Variants in CLSTN1 observed in about 807,000 individuals in gnomAD.
CLSTN1 encodes calsyntenin-1.
CLSTN1 carries 28 observed loss-of-function variants against 108.3 expected under a neutral mutation model. The ratio of observed to expected loss-of-function variants is 0.26; its 90% CI spans 0.19 to 0.35. CLSTN1 has a LOEUF of 0.35. Among genes scored for constraint, CLSTN1 ranks in the 10% least tolerant of loss-of-function variants. CLSTN1 has a pLI of 1.00. For synonymous variants in CLSTN1, 524 were observed against 534.9 expected, an observed-to-expected ratio of 0.98 and a Z score of 0.28; for missense variants, 1,157 against 1,302.6, an observed-to-expected ratio of 0.89 and a Z score of 1.72.
chr1:9,744,205 C>T (rs1651133250), intron 8 of CLSTN1, among the ~76,000 whole-genome samples, 190 bp downstream of exon 8: 1 of 152,212 alleles, frequency 6.6e-6, no homozygotes, highest in Non-Finnish European at 1.5e-5. Context: ...CCCCACTGAG[C>T]AACAACAGCT....
At chr1:9,820,591 T>C (rs1655156367) in intron 1 of CLSTN1, among the ~76,000 whole-genome samples, 1 of 152,182 alleles carries the variant, frequency 6.6e-6, no homozygotes. Context: ...ATATAGCATT[T>C]ATCTGTAAAG....
rs367893356 is a variant in CLSTN1 at position 9,744,233 on chromosome 1, G to A, written c.1234+162C>T. ...CAACAGCTAATACCCAAATGCCCAG[G>A]CCGTGGCTCTAGGGAACCAAGTGCC... On this transcript the variant is annotated intron_variant, in intron 8 of 18. Transcript: ENST00000377298. Among the ~76,000 whole-genome samples, 4 of 152,174 alleles carry A rather than the reference G, an allele frequency of 2.6e-5. No homozygotes were observed. In the East Asian group the frequency reaches 7.7e-4, roughly 29 times the overall value.
At position 9,734,839 on chromosome 1, in the gene CLSTN1, GAT is replaced by G. The variant is rs941344375; in HGVS notation, c.2110+107_2110+108del. 10 of 929,168 alleles carry G rather than the reference GAT, an allele frequency of 1.1e-5. No individual in the cohort carries two copies. The highest frequency in any genetic ancestry group is 1.7e-5 in the Non-Finnish European group (10 of 600,186). The allele number at this position is 929,168 out of a possible 1,614,324, so 57.6% of individuals were successfully genotyped here. ...CACACCCGAGAGAACACCAACGAAA[GAT>G]TAAAACCTCCCCAAATCCCACAGAG... is the stretch of plus-strand genomic sequence containing the variant. On this transcript the variant is annotated intron_variant, in intron 14 of 18. Coordinates refer to ENST00000377298, the MANE Select transcript of CLSTN1 (RefSeq NM_001009566.3). The surrounding 1 kb of genome is among the most constrained non-coding windows in gnomAD (Gnocchi z 4.8).
rs1348615616 is a variant in CLSTN1, at chr1:9,734,471, A to T, written c.2111-329T>A. Among the ~76,000 whole-genome samples the T allele has an allele frequency of 6.6e-6, 1 of 151,654 alleles. No homozygotes were observed. Among genetic ancestry groups the T allele is most frequent in the East Asian group, 1.9e-4 (1 of 5,144 alleles). ...GTCCCTGTAATCCCAGCTATTCGGG[A>T]GGCTGAGGCAGGAGAATCGCTTGAA... On this transcript the variant is annotated intron_variant, in intron 14 of 18. Transcript: ENST00000377298. This position sits in a 1 kb window ranked among gnomAD's most constrained non-coding sequence, Gnocchi z 4.8.
At chr1:9,779,588 CAAAAAAA>C (rs961099854) in intron 1 of CLSTN1, among the ~76,000 whole-genome samples, 6 of 147,780 alleles carry the variant, frequency 4.1e-5, no homozygotes, top group African/African-American at 1.2e-4. Flanking sequence ...TCTCAAAAAA[CAAAAAAA>C]AAAGTTTTTT....
At chr1:9,786,184 C>T (rs1653477888) in intron 1 of CLSTN1, among the ~76,000 whole-genome samples, 1 of 151,548 alleles carries the variant, frequency 6.6e-6, no homozygotes, top group Non-Finnish European at 1.5e-5. Flanking sequence ...GCGAGACCTG[C>T]CTCAAACAAA....
At chr1:9,775,707 G>A (rs1652906542) in intron 1 of CLSTN1, among the ~76,000 whole-genome samples, 1 of 152,156 alleles carries the variant, frequency 6.6e-6, no homozygotes, top group South Asian at 2.1e-4. Flanking sequence ...AAGCTGATCT[G>A]AAAAGATGGA....
At chr1:9,739,851 C>G (rs1191206848) in intron 10 of CLSTN1, among the ~76,000 whole-genome samples, 1 of 139,188 alleles carries the variant, frequency 7.2e-6, no homozygotes, top group African/African-American at 2.8e-5. Context: ...GAGTTTCGCT[C>G]TGTCACCTAG....
chr1:9,757,211 T>C (rs537925417), intron 2 of CLSTN1, among the ~76,000 whole-genome samples: 2 of 152,006 alleles, frequency 1.3e-5, no homozygotes, highest in Admixed American at 1.3e-4. Context: ...AACTCATCAG[T>C]AGATTTAATG....
At chr1:9,784,202 G>A (rs904758454) in intron 1 of CLSTN1, among the ~76,000 whole-genome samples, 5 of 150,386 alleles carry the variant, frequency 3.3e-5, no homozygotes, top group African/African-American at 1.2e-4. Context: ...AATTAACCAA[G>A]CGTGGTGGCA....
intron 1 of CLSTN1, among the ~76,000 whole-genome samples, chr1:9,822,050 A>T (rs1655210483): frequency 6.6e-6 from 1 of 152,212 alleles, no homozygotes; most frequent in African/African-American, 2.4e-5. Context: ...CAATTTTAAC[A>T]AGAAATGGTA....
At chr1:9,762,579 G>GGCTCCGCTCCACTCGGCCTTGGTGCCCA (rs1652131386) in intron 2 of CLSTN1, among the ~76,000 whole-genome samples, 1 of 134,078 alleles carries the variant, frequency 7.5e-6, no homozygotes, top group African/African-American at 3.4e-5. Flanking sequence ...CTTGGTGCCC[G>GGCTCCGCTCCACTCGGCCTTGGTGCCCA]CACTCAACGG....
chr1:9,735,152 T>G lies in CLSTN1; in HGVS notation c.1906A>C (p.Ile636Leu). 6.2e-7 allele frequency: 1 copy of G among 1,614,198 alleles called. No homozygotes were observed. Residue 636 changes from isoleucine to leucine, a missense_variant, in exon 14 of 19, where the codon ATT (isoleucine) becomes CTT (leucine). Coordinates refer to ENST00000377298, the MANE Select transcript of CLSTN1 (RefSeq NM_001009566.3). Reference sequence around the variant, plus strand: ...TAGCCATCTACCGGGGGGACCGAAATGCAGGTGGCCTCGTTAAAACACCTG... The same window carrying G: ...TAGCCATCTACCGGGGGGACCGAAAGGCAGGTGGCCTCGTTAAAACACCTG... The part of the protein sequence containing the change: ...TIKCFNEATC[I>L]SVPPVDGYVM...
At chr1:9,801,576 CAG>C (rs1470603766) in intron 1 of CLSTN1, among the ~76,000 whole-genome samples, 2 of 152,120 alleles carry the variant, frequency 1.3e-5, no homozygotes, top group Admixed American at 1.3e-4. Context: ...TTTGTTGAGA[CAG>C]AGTTTCGCTC....
intron 1 of CLSTN1, among the ~76,000 whole-genome samples, chr1:9,810,333 A>G (rs1388900624): frequency 3.3e-5 from 5 of 149,662 alleles, no homozygotes; most frequent in African/African-American, 1.2e-4. Flanking sequence ...AAAATTAGTC[A>G]GGTGTGGGAG....
At chr1:9,770,770 C>A (rs946677313) in intron 2 of CLSTN1, among the ~76,000 whole-genome samples, 2 of 152,070 alleles carry the variant, frequency 1.3e-5, no homozygotes, top group African/African-American at 4.8e-5. Context: ...AAGGCAGGCG[C>A]ATCACCTGAG....
chr1:9,736,580 T>C (rs1371701477), intron 11 of CLSTN1, among the ~76,000 whole-genome samples: 5 of 152,188 alleles, frequency 3.3e-5, no homozygotes, highest in Non-Finnish European at 7.3e-5. Context: ...TCCTGAGGAT[T>C]GCTGAGAAGT....
At chr1:9,744,191 T>C (rs1334349848) in intron 8 of CLSTN1, among the ~76,000 whole-genome samples, 186 bp from the exon 9 acceptor site, 1 of 152,198 alleles carries the variant, frequency 6.6e-6, no homozygotes, top group African/African-American at 2.4e-5. Context: ...GTGATCACCG[T>C]GGACCCCACT....
At chr1:9,752,961 G>C (rs561289274) in intron 4 of CLSTN1, among the ~76,000 whole-genome samples, 1 of 152,294 alleles carries the variant, frequency 6.6e-6, no homozygotes, top group Non-Finnish European at 1.5e-5. Flanking sequence ...AAGTGGTGGA[G>C]AAAAGACTAG....
Sources: allele counts gnomAD v4.1 joint callset (sites outside exome capture counted in the v4.1 genomes callset), GRCh38; gene constraint gnomAD v4.1.1; non-coding constraint Gnocchi (gnomAD v3.1); transcripts MANE v1.5; gene names NCBI Gene and HGNC (gene_info 2026-07-23, HGNC 2026-07-21).